Variants in STYK1 observed in about 807,000 individuals in gnomAD.
The protein encoded by STYK1 is STY kinase 1.
Under a neutral mutation model 48.1 loss-of-function variants are expected in STYK1, and 46 were observed. The ratio of observed to expected loss-of-function variants is 0.96; its 90% CI spans 0.75 to 1.22. The LOEUF is 1.22. Ranked by LOEUF, STYK1 falls within the 50% of genes most tolerant of loss-of-function variation. STYK1 has a pLI of 0.00. For missense variants in STYK1, 527 were observed against 521.1 expected (o/e 1.01, Z -0.11); for synonymous variants, 188 against 189.0 (o/e 0.99, Z 0.04).
intron 10 of STYK1, 71 bp from the exon 11 acceptor site, chr12:10,620,419 A>C: frequency 7.4e-7 from 1 of 1,344,888 alleles, no homozygotes; most frequent in Non-Finnish European, 1.0e-6. Context: ...TCCTCTCCTC[A>C]CAAACTTTAA....
intron 3 of STYK1, 69 bp from the exon 4 acceptor site, chr12:10,634,193 C>A: frequency 6.4e-7 from 1 of 1,551,634 alleles, no homozygotes; most frequent in South Asian, 1.2e-5. Flanking sequence ...GCAATTTCCC[C>A]TACCCGCCAG....
chr12:10,640,163 TC>T (rs1947528242), intron 1 of STYK1, among the ~76,000 whole-genome samples: 3 of 152,134 alleles, frequency 2.0e-5, no homozygotes, highest in Admixed American at 6.5e-5. Context: ...GAGTAAAAAG[TC>T]CCGGTTCTTA....
intron 1 of STYK1, among the ~76,000 whole-genome samples, chr12:10,638,967 C>T (rs1309436713): frequency 6.6e-6 from 1 of 152,168 alleles, no homozygotes; most frequent in African/African-American, 2.4e-5. Flanking sequence ...CAGGTGGCTG[C>T]CACATGGATC....
chr12:10,641,679 A>T (rs1024748444), intron 1 of STYK1, among the ~76,000 whole-genome samples: 3 of 152,250 alleles, frequency 2.0e-5, no homozygotes, highest in Admixed American at 2.0e-4. Context: ...GTGCTGTGCC[A>T]TACAGTGTGT....
At chr12:10,635,352 A>G (rs1947474819) in intron 2 of STYK1, among the ~76,000 whole-genome samples, 1 of 152,236 alleles carries the variant, frequency 6.6e-6, no homozygotes. Flanking sequence ...AAATTGACAG[A>G]TGTCGAAGGA....
intron 1 of STYK1, among the ~76,000 whole-genome samples, chr12:10,649,904 A>C (rs1947641715): frequency 6.6e-6 from 1 of 152,104 alleles, no homozygotes; most frequent in East Asian, 1.9e-4. Context: ...CGAGGTCAGG[A>C]GATCGAGACC....
chr12:10,667,914 G>T (rs764110872), intron 1 of STYK1, among the ~76,000 whole-genome samples: 1 of 152,120 alleles, frequency 6.6e-6, no homozygotes, highest in Admixed American at 6.5e-5. Context: ...GGGAAGAAAA[G>T]CTAGTGAAGA....
intron 1 of STYK1, among the ~76,000 whole-genome samples, chr12:10,669,393 C>T (rs1947869141): frequency 6.6e-6 from 1 of 151,736 alleles, no homozygotes; most frequent in Non-Finnish European, 1.5e-5. Context: ...AAGTTCTTTG[C>T]TTTCTATACA....
At chr12:10,637,938 A>G (rs1451672571) in intron 1 of STYK1, among the ~76,000 whole-genome samples, 1 of 152,166 alleles carries the variant, frequency 6.6e-6, no homozygotes, top group East Asian at 1.9e-4. Flanking sequence ...CTAGAAGGAC[A>G]CTTCTGGCCA....
chr12:10,663,306 T>C (rs1328512378), intron 1 of STYK1, among the ~76,000 whole-genome samples: 1 of 152,108 alleles, frequency 6.6e-6, no homozygotes, highest in African/African-American at 2.4e-5. Context: ...TGTAGATTTG[T>C]AGTAAGTTTT....
chr12:10,645,684 A>C (rs1947590987), intron 1 of STYK1, among the ~76,000 whole-genome samples: 1 of 152,228 alleles, frequency 6.6e-6, no homozygotes, highest in Non-Finnish European at 1.5e-5. Flanking sequence ...CAGAGAGCAC[A>C]TTAGAATCTC....
chr12:10,645,879 C>G (rs1947593091), intron 1 of STYK1, among the ~76,000 whole-genome samples: 1 of 152,162 alleles, frequency 6.6e-6, no homozygotes, highest in South Asian at 2.1e-4. Context: ...ATAAGTCTCA[C>G]AAGATCTGAT....
chr12:10,648,607 A>C (rs1947626060), intron 1 of STYK1, among the ~76,000 whole-genome samples: 1 of 151,808 alleles, frequency 6.6e-6, no homozygotes. Flanking sequence ...TTTAAGACAA[A>C]ATATTATTTA....
intron 1 of STYK1, among the ~76,000 whole-genome samples, chr12:10,653,686 T>C (rs2418087): frequency 0.33 from 49,896 of 152,084 alleles, 9,159 homozygotes; most frequent in Non-Finnish European, 0.43. Context: ...TACAGGAACA[T>C]CAAGAAGTGT....
rs997575096 is a variant in STYK1, at chr12:10,672,490, C to G, written c.-195+1476G>C. Among the ~76,000 whole-genome samples the G allele has an allele frequency of 2.6e-5, 4 of 152,294 alleles. No homozygotes were observed. The South Asian group carries it at 8.3e-4, about 32-fold the overall frequency. On this transcript the variant is annotated intron_variant, in intron 1 of 10. Transcript: ENST00000075503. This position sits in a 1 kb window ranked among gnomAD's most constrained non-coding sequence, Gnocchi z 4.0. ...GAACTCAGGGCGATCCACCCACCAA[C>G]TCCTCCTAAAGTGGTGTGATTACAG...
chr12:10,642,298 T>A (rs1462997340), intron 1 of STYK1, among the ~76,000 whole-genome samples: 2 of 152,238 alleles, frequency 1.3e-5, no homozygotes, highest in African/African-American at 2.4e-5. Flanking sequence ...GAGTTTGGCT[T>A]CCATTTGAAT....
intron 1 of STYK1, chr12:10,667,275 A>T (rs570155557): frequency 2.0e-5 from 3 of 152,282 alleles, no homozygotes; most frequent in Non-Finnish European, 2.9e-5. Context: ...GGGTCATAAA[A>T]GTTAAAACAC....
intron 1 of STYK1, among the ~76,000 whole-genome samples, chr12:10,665,606 C>A (rs1423747718): frequency 6.6e-6 from 1 of 152,186 alleles, no homozygotes; most frequent in South Asian, 2.1e-4. Context: ...CTGGCCCTTG[C>A]AATTCACAAT....
At chr12:10,649,168 G>C (rs1330434559) in intron 1 of STYK1, among the ~76,000 whole-genome samples, 3 of 152,020 alleles carry the variant, frequency 2.0e-5, no homozygotes, top group Admixed American at 6.6e-5. Flanking sequence ...TCATGGACTT[G>C]AAGGAGGAGA....
Sources: allele counts gnomAD v4.1 joint callset (sites outside exome capture counted in the v4.1 genomes callset), GRCh38; gene constraint gnomAD v4.1.1; non-coding constraint Gnocchi (gnomAD v3.1); transcripts MANE v1.5; gene names NCBI Gene and HGNC (gene_info 2026-07-23, HGNC 2026-07-21).